Variants in LRRC49 observed in about 807,000 individuals in gnomAD.
LRRC49 encodes the protein leucine rich repeat containing 49.
A neutral mutation model predicts 83.3 loss-of-function variants in LRRC49; 50 were observed. The observed-to-expected ratio is 0.60, with a 90% CI of 0.48 to 0.76. The LOEUF is 0.76. LRRC49 is among the 30% of genes least tolerant of loss of function. LRRC49 has a pLI of 0.00. For missense variants in LRRC49, 704 were observed against 809.1 expected, an observed-to-expected ratio of 0.87 and a Z score of 1.58; for synonymous variants, 286 against 283.3, an observed-to-expected ratio of 1.01 and a Z score of -0.10.
chr15:71,020,589 C>A (rs534468705), intron 14 of LRRC49, among the ~76,000 whole-genome samples: 2 of 152,180 alleles, frequency 1.3e-5, no homozygotes, highest in African/African-American at 4.8e-5. Context: ...AGAGAAGTTA[C>A]CTTCAAAAGA....
chr15:71,049,148 C>A (rs1329405387), intron 15 of LRRC49, among the ~76,000 whole-genome samples: 2 of 152,064 alleles, frequency 1.3e-5, no homozygotes, highest in Non-Finnish European at 2.9e-5. Context: ...TCAACAATTC[C>A]AGTAAAGAAA....
intron 8 of LRRC49, among the ~76,000 whole-genome samples, chr15:70,937,984 A>G (rs1416941434): frequency 6.6e-6 from 1 of 152,116 alleles, no homozygotes; most frequent in Non-Finnish European, 1.5e-5. Flanking sequence ...CCTAAAAATC[A>G]TTAACAACTC....
At chr15:71,048,952 A>G in intron 15 of LRRC49, 1 of 409,862 alleles carries the variant, frequency 2.4e-6, no homozygotes, top group Non-Finnish European at 4.8e-6. Flanking sequence ...GCTTTCCCAT[A>G]ATAGAGGGTA....
At chr15:70,882,234 G>GA (rs969352608) in intron 2 of LRRC49, 1,024 of 405,818 alleles carry the variant, frequency 2.5e-3, no homozygotes, top group South Asian at 3.0e-3. Flanking sequence ...AGGATTAAAA[G>GA]AAAAAAAAAG....
intron 15 of LRRC49, chr15:71,048,706 A>G (rs2039930300): frequency 7.0e-6 from 3 of 431,144 alleles, no homozygotes; most frequent in African/African-American, 4.1e-5. Flanking sequence ...CTCTGTGATG[A>G]AATTGGGGCA....
chr15:70,940,751 C>A (rs2035785768), intron 8 of LRRC49, among the ~76,000 whole-genome samples: 1 of 152,170 alleles, frequency 6.6e-6, no homozygotes, highest in African/African-American at 2.4e-5. Context: ...ATATGCAAAT[C>A]TTCTTACTGA....
Position 71,037,122 on chromosome 15 carries a change from C to T in LRRC49, c.1704-57C>T, listed in dbSNP as rs2039544786. 13 of 1,201,482 alleles carry T rather than the reference C, an allele frequency of 1.1e-5. No individual in the cohort carries two copies. In the South Asian group the frequency reaches 1.6e-4, roughly 15 times the overall value. 74.4% of individuals were successfully genotyped at this position (1,201,482 alleles called of 1,614,324 possible). A position where few individuals can be genotyped will look rare whatever the true frequency, so the allele number is the denominator to read the frequency against. ...TCCTCTAAAGTCAACAAAAAATAGACATGTTTTAGTAAGTCTGATAAGTAA... is the reference window on the plus strand; with the variant it reads ...TCCTCTAAAGTCAACAAAAAATAGATATGTTTTAGTAAGTCTGATAAGTAA... On this transcript the variant is annotated intron_variant, in intron 14 of 15. Coordinates refer to ENST00000260382, the MANE Select transcript of LRRC49 (RefSeq NM_017691.5).
intron 1 of LRRC49, among the ~76,000 whole-genome samples, chr15:70,861,279 T>G (rs887483824): frequency 3.9e-5 from 6 of 152,004 alleles, no homozygotes; most frequent in Admixed American, 1.3e-4. Context: ...TGAATTTGAA[T>G]GTAACAACTT....
intron 1 of LRRC49, among the ~76,000 whole-genome samples, chr15:70,858,045 G>A (rs531819717): frequency 1.3e-5 from 2 of 152,224 alleles, no homozygotes; most frequent in Non-Finnish European, 2.9e-5. Context: ...ATGATGCAGC[G>A]TTCCAAGAAC....
intron 7 of LRRC49, among the ~76,000 whole-genome samples, chr15:70,919,671 T>C (rs1040836112): frequency 6.6e-6 from 1 of 152,168 alleles, no homozygotes; most frequent in Non-Finnish European, 1.5e-5. Flanking sequence ...GGCCTAGTTA[T>C]GGTCTTAGCT....
At chr15:70,987,571 C>G (rs2037677185) in intron 11 of LRRC49, among the ~76,000 whole-genome samples, 1 of 151,870 alleles carries the variant, frequency 6.6e-6, no homozygotes, top group South Asian at 2.1e-4. Flanking sequence ...TTTTGTTGAT[C>G]CTTTCAAAAA....
chr15:70,908,528 C>T (rs989233262), intron 5 of LRRC49: 1 of 152,816 alleles, frequency 6.5e-6, no homozygotes, highest in Admixed American at 6.5e-5. Flanking sequence ...GTCAGTTGGT[C>T]TACCAGAATG....
chr15:70,912,753 T>C (rs2034600702), intron 6 of LRRC49, among the ~76,000 whole-genome samples: 2 of 152,272 alleles, frequency 1.3e-5, no homozygotes, highest in South Asian at 2.1e-4. Flanking sequence ...CTTGGCTCAC[T>C]GCAAGCTCCG....
chr15:70,892,246 G>C (rs1286803366), upstream of LRRC49: 1 of 1,582,148 alleles, frequency 6.3e-7, no homozygotes, highest in Non-Finnish European at 8.6e-7. Context: ...TGTTGCCGCA[G>C]TGGGCGGCCA....
At chr15:70,872,921 C>A in exon 2 of LRRC49, 2 of 220,342 alleles carry the variant, frequency 9.1e-6, no homozygotes, top group Non-Finnish European at 1.8e-5. Flanking sequence ...GAGTCTCACT[C>A]TGTCGCCTAG....
intron 4 of LRRC49, chr15:70,902,695 A>T (rs2034132457): frequency 6.6e-6 from 1 of 152,264 alleles, no homozygotes; most frequent in Non-Finnish European, 1.5e-5. Context: ...AGTACTTGGA[A>T]GAGCTAGGCT....
intron 7 of LRRC49, among the ~76,000 whole-genome samples, chr15:70,929,302 T>C (rs2035323809): frequency 6.6e-6 from 1 of 152,216 alleles, no homozygotes; most frequent in African/African-American, 2.4e-5. Context: ...ACATGAAGTT[T>C]TTAGTTTCCC....
intron 8 of LRRC49, among the ~76,000 whole-genome samples, chr15:70,941,334 T>A (rs561501689): frequency 6.6e-6 from 1 of 152,176 alleles, no homozygotes; most frequent in East Asian, 1.9e-4. Context: ...TCATTGTATA[T>A]CTTATTTCAA....
At chr15:71,010,014 C>T in intron 13 of LRRC49, 22 bp downstream of exon 13, 2 of 1,421,546 alleles carry the variant, frequency 1.4e-6, no homozygotes, top group Non-Finnish European at 1.9e-6. Flanking sequence ...ACTAGATGAA[C>T]TATAGAATAA....
Sources: allele counts gnomAD v4.1 joint callset (sites outside exome capture counted in the v4.1 genomes callset), GRCh38; gene constraint gnomAD v4.1.1; transcripts MANE v1.5; gene names NCBI Gene and HGNC (gene_info 2026-07-23, HGNC 2026-07-21).